Variants in PTPRF observed in about 807,000 individuals in gnomAD.
The protein encoded by PTPRF is receptor-type tyrosine-protein phosphatase F.
PTPRF carries 59 observed loss-of-function variants against 201.8 expected under a neutral mutation model. The ratio of observed to expected loss-of-function variants is 0.29; its 90% confidence interval spans 0.24 to 0.36. The LOEUF (loss-of-function observed/expected upper bound fraction) is 0.36. Among genes scored for constraint, PTPRF ranks in the 10% least tolerant of loss-of-function variants. The pLI, the probability that PTPRF is intolerant of heterozygous loss-of-function variation, is 1.00. For missense variants in PTPRF, 2,132 were observed against 2,690.5 expected (o/e 0.79, Z 4.59); for synonymous variants, 1,088 against 1,089.7 (o/e 1.00, Z 0.03).
At chr1:43,579,409 A>G (rs1257870563) in intron 7 of PTPRF, 11 of 358,036 alleles carry the variant, frequency 3.1e-5, no homozygotes, top group Admixed American at 2.6e-4. Context: ...GGACCAGGCC[A>G]GGTGAGCCTA....
chr1:43,621,084 T>C lies in PTPRF; in HGVS notation c.5520-13T>C. ...GCAAGCAGGACTCCTGACCCAACTGTGTTTCTGAGCAGTGCTGGCGTGGGC... is the reference window on the plus strand; with the variant it reads ...GCAAGCAGGACTCCTGACCCAACTGCGTTTCTGAGCAGTGCTGGCGTGGGC... On this transcript the variant is annotated splice_polypyrimidine_tract_variant and intron_variant, in intron 32 of 33. Transcript: ENST00000359947. 6.2e-7 allele frequency: 1 copy of C among 1,613,264 alleles called. No homozygotes were observed. Among genetic ancestry groups the C allele is most frequent in the Non-Finnish European group, 8.5e-7 (1 of 1,179,338 alleles).
chr1:43,615,790 T>C (rs1187637779), intron 23 of PTPRF, among the ~76,000 whole-genome samples: 1 of 151,920 alleles, frequency 6.6e-6, no homozygotes, highest in Non-Finnish European at 1.5e-5. Flanking sequence ...ATGGTCTCGA[T>C]CTCCTGACCT....
intron 1 of PTPRF, among the ~76,000 whole-genome samples, chr1:43,533,010 C>G (rs907160144): frequency 6.6e-6 from 1 of 152,238 alleles, no homozygotes. Flanking sequence ...CACAGTCATC[C>G]TTGTGTATTT....
chr1:43,589,076 G>A (rs1011389893), intron 8 of PTPRF, 76 bp downstream of exon 8: 1 of 1,436,778 alleles, frequency 7.0e-7, no homozygotes, highest in East Asian at 2.6e-5. Flanking sequence ...ATGTGAGCTG[G>A]CTGCCATGGG....
At chr1:43,544,907 G>A in intron 2 of PTPRF, 124 bp from the exon 3 acceptor site, 10 of 614,134 alleles carry the variant, frequency 1.6e-5, no homozygotes, top group Non-Finnish European at 2.8e-5. Context: ...CCAAGTGGGG[G>A]GCTCTGTTGA....
upstream of PTPRF, among the ~76,000 whole-genome samples, chr1:43,527,448 G>T (rs1643166180): frequency 6.6e-6 from 1 of 152,230 alleles, no homozygotes; most frequent in Non-Finnish European, 1.5e-5. Context: ...CATTACCTTG[G>T]GTTTGTATCT....
rs201835796 is a variant in PTPRF at position 43,553,986 on chromosome 1, C to T, written c.379+45C>T. On this transcript the variant is annotated intron_variant, in intron 5 of 33. Coordinates refer to ENST00000359947, the MANE Select transcript of PTPRF (RefSeq NM_002840.5). This position sits in a 1 kb window ranked among gnomAD's most constrained non-coding sequence, Gnocchi z 4.1. ...GGCACGGTGGGCTGCCGGGCTGAGGCGTGGGAAGAGCCAGCCAGCCCTGAT... is the reference window on the plus strand; with the variant it reads ...GGCACGGTGGGCTGCCGGGCTGAGGTGTGGGAAGAGCCAGCCAGCCCTGAT... 3.3e-5 allele frequency: 53 copies of T among 1,605,536 alleles called. No individual in the cohort carries two copies. Among genetic ancestry groups the T allele is most frequent in the Non-Finnish European group, 4.4e-5 (52 of 1,174,580 alleles).
In PTPRF at chr1:43,606,949, G is replaced by A. The variant is rs146960105; in HGVS notation, c.3838G>A (p.Ala1280Thr). The A allele has an allele frequency of 4.3e-6, 7 of 1,613,942 alleles. No individual in the cohort carries two copies. Among genetic ancestry groups the A allele is most frequent in the Middle Eastern group, 1.6e-4 (1 of 6,066 alleles). ...AVILIILIVI[A>T]ILLFKRKRTH... Reference sequence around the variant, plus strand: ...CATCCTCATCATCCTCATTGTCATCGCCATCCTCTTGTTCAAAAGGTGAGC... The same window carrying A: ...CATCCTCATCATCCTCATTGTCATCACCATCCTCTTGTTCAAAAGGTGAGC... The change falls in exon 21 of 34, where the codon GCC becomes ACC. Residue 1280 changes from alanine (A) to threonine (T), a missense_variant. By Grantham distance (58) the Ala-to-Thr change is moderately conservative. This residue lies in a region of PTPRF where 818 missense variants were observed against 915.3 expected (regional missense o/e 0.89). Transcript: ENST00000359947.
At chr1:43,589,051 C>G in intron 8 of PTPRF, 51 bp downstream of exon 8, 1 of 1,475,782 alleles carries the variant, frequency 6.8e-7, no homozygotes. Flanking sequence ...TCTGGGAGGT[C>G]CTGGTGGTGG....
At chr1:43,600,505 AG>A (rs965044092) in intron 13 of PTPRF, among the ~76,000 whole-genome samples, 2 of 150,844 alleles carry the variant, frequency 1.3e-5, no homozygotes, top group African/African-American at 5.0e-5. Flanking sequence ...CCAGTGGGAG[AG>A]CAGTGGGGCC....
Position 43,591,229 on chromosome 1 carries a change from G to T in PTPRF, c.1207G>T (p.Ala403Ser), listed in dbSNP as rs1433610918. 1.3e-6 allele frequency: 2 copies of T among 1,599,686 alleles called. No individual in the cohort carries two copies. The highest frequency in any genetic ancestry group is 2.2e-5 in the South Asian group (2 of 90,398). ...NSIGRGPPSE[A>S]VRARTGEQAP... Reference sequence around the variant, plus strand: ...CATCGGGCGAGGGCCGCCCAGCGAGGCAGTGCGGGCACGCACGGGAGAACA... The same window carrying T: ...CATCGGGCGAGGGCCGCCCAGCGAGTCAGTGCGGGCACGCACGGGAGAACA... The change falls in exon 9 of 34, where the codon GCA becomes TCA. Residue 403 changes from alanine to serine, a missense_variant. Around this residue, in one of 6 missense-constraint regions of PTPRF, gnomAD observed 351 missense variants for 401.7 expected, o/e 0.87. Coordinates refer to ENST00000359947, the MANE Select transcript of PTPRF (RefSeq NM_002840.5).
At chr1:43,573,150 T>C (rs1466862278) in intron 6 of PTPRF, among the ~76,000 whole-genome samples, 1 of 151,884 alleles carries the variant, frequency 6.6e-6, no homozygotes, top group Non-Finnish European at 1.5e-5. Context: ...CAAAACCACC[T>C]CCTGGAGAAT....
intron 2 of PTPRF, among the ~76,000 whole-genome samples, chr1:43,538,840 A>G (rs918372872): frequency 5.3e-5 from 8 of 152,176 alleles, no homozygotes; most frequent in African/African-American, 1.9e-4. Context: ...TGTTAGAAGC[A>G]CAGAATGGGT....
At chr1:43,599,297 A>C (rs182079050) in intron 13 of PTPRF, among the ~76,000 whole-genome samples, 45 of 152,228 alleles carry the variant, frequency 3.0e-4, no homozygotes, top group African/African-American at 1.0e-3. Flanking sequence ...GCTGGTCTCG[A>C]ACTCCTGACC....
At chr1:43,600,802 T>C (rs1381323100) in intron 13 of PTPRF, among the ~76,000 whole-genome samples, 1 of 152,048 alleles carries the variant, frequency 6.6e-6, no homozygotes, top group Non-Finnish European at 1.5e-5. Flanking sequence ...TTCTCTCTCC[T>C]CCTTCCTTCC....
rs1187991427 is a variant in PTPRF, at chr1:43,567,037, C to T, written c.380-2553C>T. 2.6e-5 allele frequency among the ~76,000 whole-genome samples: 4 copies of T among 152,282 alleles called. No homozygotes were observed. In the South Asian group the frequency reaches 6.2e-4, roughly 24 times the overall value. On this transcript the variant is annotated intron_variant, in intron 5 of 33. Transcript: ENST00000359947. ...CACAGGGCTGCACACATTTGTACTT[C>T]CCTTCCCTTCCCTATCTGCGGGTGG...
chr1:43,620,385 C>T, intron 30 of PTPRF, 69 bp from the exon 31 acceptor site: 1 of 1,539,014 alleles, frequency 6.5e-7, no homozygotes, highest in Non-Finnish European at 8.9e-7. Context: ...TCCCAGAATC[C>T]TGTGAAGCCT....
At chr1:43,541,430 G>A (rs761987655) in intron 2 of PTPRF, among the ~76,000 whole-genome samples, 1 of 152,186 alleles carries the variant, frequency 6.6e-6, no homozygotes, top group African/African-American at 2.4e-5. Context: ...GTTTTGCAAC[G>A]TGAATCTTCT....
At chr1:43,577,553 G>A (rs1284209279) in intron 6 of PTPRF, among the ~76,000 whole-genome samples, 2 of 152,230 alleles carry the variant, frequency 1.3e-5, no homozygotes, top group African/African-American at 4.8e-5. Flanking sequence ...GTAGTGAGGT[G>A]GCTATAGGTC....
Sources: gnomAD v4.1 joint callset for allele counts (sites outside exome capture counted in the v4.1 genomes callset) on GRCh38, gnomAD v4.1.1 for gene constraint, gnomAD v4.1.1 regional missense constraint, Gnocchi (gnomAD v3.1) non-coding constraint, MANE v1.5 for transcripts, NCBI Gene and HGNC (gene_info 2026-07-23, HGNC 2026-07-21) for gene names.